Variants in SLC2A11 observed in about 807,000 individuals in gnomAD.
The protein encoded by SLC2A11 is solute carrier family 2, facilitated glucose transporter member 11.
A neutral mutation model predicts 52.1 loss-of-function variants in SLC2A11; 43 were observed. That is an observed-to-expected ratio of 0.82 (90% confidence interval 0.65 to 1.06). The LOEUF is 1.06. SLC2A11 is among the 50% of genes least tolerant of loss of function. The pLI is 0.00. For synonymous variants in SLC2A11, 261 were observed against 277.6 expected (o/e 0.94, Z 0.59); for missense variants, 582 against 654.2 (o/e 0.89, Z 1.20).
chr22:23,863,707 C>T (rs1016191416), intron 2 of SLC2A11, among the ~76,000 whole-genome samples: 6 of 151,306 alleles, frequency 4.0e-5, no homozygotes, highest in East Asian at 1.9e-4. Flanking sequence ...ACCTCCGCCC[C>T]GTCCCGAGCT....
chr22:23,862,890 T>C (rs760624577), intron 2 of SLC2A11, among the ~76,000 whole-genome samples: 9 of 151,812 alleles, frequency 5.9e-5, no homozygotes, highest in Non-Finnish European at 1.3e-4. Context: ...CCCAAAGTAC[T>C]GGGATTATAG....
Position 23,869,937 on chromosome 22 carries a change from C to T in SLC2A11, c.290+1296C>T, listed in dbSNP as rs993199105. On this transcript the variant is annotated intron_variant, in intron 3 of 11. Coordinates refer to ENST00000316185, the MANE Select transcript of SLC2A11 (RefSeq NM_001024939.4). The stretch of plus-strand genomic sequence containing the variant: ...GCAAAAAGAGCCTGCCTAGTTCCCT[C>T]CAGCCCTTTTATAAAGCACTAGTCC... The T allele has an allele frequency of 1.4e-5, 10 of 714,288 alleles. No individual in the cohort carries two copies. The African/African-American group carries it at 1.8e-4, about 13-fold the overall frequency. 44.2% of individuals were successfully genotyped at this position (714,288 alleles called of 1,614,324 possible).
chr22:23,858,074 G>A (rs2033697309), intron 1 of SLC2A11, 45 bp downstream of exon 1: 4 of 1,551,952 alleles, frequency 2.6e-6, no homozygotes, highest in Non-Finnish European at 8.7e-7. Context: ...TCAGATGAGG[G>A]ATTGCGGACC....
intron 3 of SLC2A11, chr22:23,872,127 GGAGTTTGA>G (rs2032476396): frequency 2.0e-5 from 3 of 152,216 alleles, no homozygotes; most frequent in African/African-American, 7.2e-5. Context: ...CTTGAGCCCA[GGAGTTTGA>G]GACTAGCCTG....
rs1003667344 is a variant in SLC2A11, at chr22:23,884,100, G to C, written c.1171+76G>C. On this transcript the variant is annotated intron_variant, in intron 10 of 11. Coordinates refer to ENST00000316185, the MANE Select transcript of SLC2A11 (RefSeq NM_001024939.4). The surrounding 1 kb of genome is among the most constrained non-coding windows in gnomAD (Gnocchi z 4.3). ...ATGGGTGCCTGGGTGCACAGTGGGT[G>C]GGTGTGAATGCAATGTCCCCTGCAG... 1.3e-6 allele frequency: 2 copies of C among 1,562,684 alleles called. No homozygotes were observed. The highest frequency in any genetic ancestry group is 2.8e-5 in the African/African-American group (2 of 72,674).
At chr22:23,857,162 G>A (rs999084071), upstream of SLC2A11, 11 of 1,009,822 alleles carry the variant, frequency 1.1e-5, no homozygotes, top group African/African-American at 1.3e-4. Flanking sequence ...AGTGGCCTCC[G>A]AGGTTCTGGC....
chr22:23,861,269 C>T lies in SLC2A11; in HGVS notation c.31-835C>T, dbSNP rs146647161. ...CTGGGATTACAGGTGTGAGCCACTG[C>T]GCCAGGCCAAGACTCAGTCTCAAAA... On this transcript the variant is annotated intron_variant, in intron 1 of 11. Transcript: ENST00000316185. Among the ~76,000 whole-genome samples, 482 of 139,354 alleles carry T rather than the reference C, an allele frequency of 3.5e-3. 5 individuals are homozygous for T. The highest frequency in any genetic ancestry group is 0.013 in the Middle Eastern group (3 of 240). 91.4% of individuals were successfully genotyped at this position (139,354 alleles called of 152,430 possible).
chr22:23,857,905 C>G lies in SLC2A11; in HGVS notation c.-95C>G, dbSNP rs1247359139. On this transcript the variant is annotated 5_prime_UTR_variant, in exon 1 of 12. Transcript: ENST00000316185. ...TCACCACTGGGCGCTGCGCGCTGCC[C>G]TTCCCTCCGCGCACAGGCTGCCGGC... 5 of 1,576,140 alleles carry G rather than the reference C, an allele frequency of 3.2e-6. No homozygotes were observed. Among genetic ancestry groups the G allele is most frequent in the Admixed American group, 3.5e-5 (2 of 56,398 alleles).
upstream of SLC2A11, chr22:23,857,582 C>CT (rs201709896): frequency 2.7e-6 from 4 of 1,482,114 alleles, no homozygotes. Flanking sequence ...CCCAAACCCC[C>CT]CCCCCGCGGC....
At chr22:23,873,328 T>TGCGC (rs1555886167) in intron 3 of SLC2A11, 20,073 of 146,262 alleles carry the variant, frequency 0.14, 1,395 homozygotes, top group Middle Eastern at 0.17. Flanking sequence ...TGTGTGTGTG[T>TGCGC]GCACGCGTGT....
At chr22:23,877,645 G>A (rs1327966135) in intron 5 of SLC2A11, 76 bp from the exon 6 acceptor site, 6 of 1,486,246 alleles carry the variant, frequency 4.0e-6, no homozygotes, top group Non-Finnish European at 4.5e-6. Flanking sequence ...AGGGAGGTGT[G>A]TAGGTGGGCA....
chr22:23,869,785 C>A, intron 3 of SLC2A11: 1 of 533,618 alleles, frequency 1.9e-6, no homozygotes, highest in South Asian at 2.7e-5. Flanking sequence ...TCAAGGCACC[C>A]AGCAGATGCA....
At chr22:23,874,554 C>G (rs933546986) in intron 3 of SLC2A11, among the ~76,000 whole-genome samples, 1 of 151,856 alleles carries the variant, frequency 6.6e-6, no homozygotes, top group African/African-American at 2.4e-5. Flanking sequence ...CGGGTTCAAG[C>G]GACTCTCCTG....
chr22:23,857,069 TGTGTGGGG>T, upstream of SLC2A11: 1 of 364,926 alleles, frequency 2.7e-6, no homozygotes, highest in Non-Finnish European at 4.6e-6. Flanking sequence ...AAAGTGTGTG[TGTGTGGGG>T]GGGGGGGGGT....
chr22:23,877,517 G>A, intron 5 of SLC2A11: 1 of 783,410 alleles, frequency 1.3e-6, no homozygotes, highest in South Asian at 1.5e-5. Flanking sequence ...GGAGTTGCTA[G>A]GGATGAGGTG....
upstream of SLC2A11, chr22:23,857,582 C>A (rs763197114): frequency 4.7e-6 from 7 of 1,482,200 alleles, no homozygotes; most frequent in East Asian, 4.6e-5. Flanking sequence ...CCCAAACCCC[C>A]CCCCCGCGGC....
chr22:23,878,844 A>G (rs2032710338), intron 6 of SLC2A11, among the ~76,000 whole-genome samples: 1 of 152,158 alleles, frequency 6.6e-6, no homozygotes, highest in African/African-American at 2.4e-5. Context: ...TTAAGTCTAT[A>G]TGGGCCTTTT....
chr22:23,859,649 C>T (rs112379216), intron 1 of SLC2A11, among the ~76,000 whole-genome samples: 76 of 152,264 alleles, frequency 5.0e-4, no homozygotes, highest in Non-Finnish European at 7.9e-4. Context: ...CCACCAAGCC[C>T]GGCTAATTTT....
rs199770208 is a variant in SLC2A11, at chr22:23,884,433, G to T, written c.1299+4G>T. On this transcript the variant is annotated splice_donor_region_variant and intron_variant, in intron 11 of 11. Coordinates refer to ENST00000316185, the MANE Select transcript of SLC2A11 (RefSeq NM_001024939.4). The surrounding 1 kb of genome is among the most constrained non-coding windows in gnomAD (Gnocchi z 4.3). ...CCTGGGATTTCCCTTTATCATGGTA[G>T]GCCCGCCCCTCCCGCTGGGGGCCCT... 48 of 1,612,242 alleles carry T rather than the reference G, an allele frequency of 3.0e-5. No homozygotes were observed. The highest frequency in any genetic ancestry group is 2.2e-4 in the Admixed American group (13 of 59,800).
Sources: allele counts gnomAD v4.1 joint callset (sites outside exome capture counted in the v4.1 genomes callset), GRCh38; gene constraint gnomAD v4.1.1; non-coding constraint Gnocchi (gnomAD v3.1); transcripts MANE v1.5; gene names NCBI Gene and HGNC (gene_info 2026-07-23, HGNC 2026-07-21).